The following SASH1 variants were observed in gnomAD, a reference collection of about 807,000 sequenced individuals.
SASH1 encodes SAM and SH3 domain containing 1.
SASH1 carries 44 observed loss-of-function variants against 125.2 expected under a neutral mutation model. The observed-to-expected ratio is 0.35, with a 90% CI of 0.28 to 0.45. The LOEUF (loss-of-function observed/expected upper bound fraction) is 0.45. SASH1 is among the 20% of genes least tolerant of loss of function. The pLI is 1.00. For synonymous variants in SASH1, 639 were observed against 649.1 expected (o/e 0.98, Z 0.24); for missense variants, 1,426 against 1,614.5 (o/e 0.88, Z 2.00).
At chr6:148,308,826 G>A (rs1323811589) in intron 1 of SASH1, among the ~76,000 whole-genome samples, 2 of 150,830 alleles carry the variant, frequency 1.3e-5, no homozygotes, top group African/African-American at 4.9e-5. Flanking sequence ...GCTCATGCCT[G>A]TAATCCCAGC....
At chr6:148,546,243 G>C in intron 19 of SASH1, 97 bp downstream of exon 19, 1 of 1,419,536 alleles carries the variant, frequency 7.0e-7, no homozygotes, top group East Asian at 2.3e-5. Flanking sequence ...AAGGGCTTGC[G>C]TAGCTATGGA....
At chr6:148,346,434 A>G (rs1203244361) in intron 1 of SASH1, among the ~76,000 whole-genome samples, 5 of 152,044 alleles carry the variant, frequency 3.3e-5, no homozygotes, top group African/African-American at 7.2e-5. Context: ...GAATAAATAA[A>G]TGCTAATAAG....
At chr6:148,327,316 G>A (rs1350561364) in intron 1 of SASH1, among the ~76,000 whole-genome samples, 4 of 146,922 alleles carry the variant, frequency 2.7e-5, no homozygotes, top group East Asian at 2.0e-4. Context: ...ATGGAGTCTC[G>A]CTCTGTCGCC....
At chr6:148,231,412 C>G in the SASH1 span, among the ~76,000 whole-genome samples, 1 of 152,190 alleles carries the variant, frequency 6.6e-6, no homozygotes, top group African/African-American at 2.4e-5. Flanking sequence ...GGAAGTGTGA[C>G]TCCTCCAACT....
chr6:148,300,827 C>G (rs989978795), intron 1 of SASH1, among the ~76,000 whole-genome samples: 1 of 152,122 alleles, frequency 6.6e-6, no homozygotes, highest in African/African-American at 2.4e-5. Flanking sequence ...AAGGAAGCAA[C>G]ATGAAGCCAC....
the SASH1 span, among the ~76,000 whole-genome samples, chr6:148,266,681 G>C: frequency 2.6e-5 from 4 of 152,112 alleles, no homozygotes; most frequent in African/African-American, 9.7e-5. Context: ...GCTCACTGCA[G>C]CCTCAACTTC....
intron 1 of SASH1, among the ~76,000 whole-genome samples, chr6:148,287,267 C>A (rs1040957453): frequency 3.9e-5 from 6 of 152,176 alleles, no homozygotes; most frequent in African/African-American, 1.4e-4. Context: ...CCTCTACTAT[C>A]AGTATTCAGC....
intron 2 of SASH1, among the ~76,000 whole-genome samples, chr6:148,428,683 A>G (rs1426590545): frequency 2.6e-5 from 4 of 151,782 alleles, no homozygotes; most frequent in Admixed American, 2.0e-4. Flanking sequence ...AATTATTTTA[A>G]CAGAGAGCAC....
At chr6:148,347,318 G>T (rs1290064509) in intron 1 of SASH1, among the ~76,000 whole-genome samples, 3 of 152,092 alleles carry the variant, frequency 2.0e-5, no homozygotes, top group African/African-American at 7.2e-5. Flanking sequence ...TTTTTGCTCT[G>T]TTTCTACAAT....
At chr6:148,398,071 G>A (rs1198529602) in intron 2 of SASH1, among the ~76,000 whole-genome samples, 3 of 152,148 alleles carry the variant, frequency 2.0e-5, no homozygotes, top group African/African-American at 7.2e-5. Context: ...ACTTCAGGGA[G>A]ACGTCACAGT....
intron 7 of SASH1, chr6:148,480,630 C>G: frequency 6.5e-6 from 1 of 152,748 alleles, no homozygotes; most frequent in East Asian, 1.9e-4. Context: ...CAGATCAAGA[C>G]AGTTTGGTCC....
At chr6:148,196,194 C>T in the SASH1 span, among the ~76,000 whole-genome samples, 1 of 152,206 alleles carries the variant, frequency 6.6e-6, no homozygotes, top group Non-Finnish European at 1.5e-5. Flanking sequence ...ATTGGAGTCA[C>T]TTAGAAGTTC....
At chr6:148,298,812 AAG>A (rs202162353) in intron 1 of SASH1, among the ~76,000 whole-genome samples, 19 of 144,084 alleles carry the variant, frequency 1.3e-4, no homozygotes, top group South Asian at 4.7e-4. Context: ...AGAAAGAAAA[AAG>A]AGAGGGAGGG....
At chr6:148,288,445 T>A (rs931109346) in intron 1 of SASH1, among the ~76,000 whole-genome samples, 7 of 152,262 alleles carry the variant, frequency 4.6e-5, no homozygotes, top group African/African-American at 1.7e-4. Flanking sequence ...TTCAGTATAA[T>A]TAAAAATATA....
chr6:148,256,291 T>G, the SASH1 span, among the ~76,000 whole-genome samples: 2 of 152,236 alleles, frequency 1.3e-5, no homozygotes, highest in African/African-American at 4.8e-5. Flanking sequence ...TAGATCAGTT[T>G]TAGAACACAT....
At chr6:148,233,214 T>TAA in the SASH1 span, among the ~76,000 whole-genome samples, 861 of 126,452 alleles carry the variant, frequency 6.8e-3, 5 homozygotes, top group Non-Finnish European at 0.01. Flanking sequence ...AACTCCATCT[T>TAA]AAAAAAAAAA....
In SASH1 at chr6:148,364,529, C is replaced by T. The variant is rs79937007; in HGVS notation, c.156+21306C>T. ...AACTAATGTAGGGTGGAAGTTGAAA[C>T]GTGAAAGTTGCCTGTCCTGAGCACG... On this transcript the variant is annotated intron_variant, in intron 1 of 19. Coordinates refer to ENST00000367467, the MANE Select transcript of SASH1 (RefSeq NM_015278.5). Among the ~76,000 whole-genome samples, 233 of 152,214 alleles carry T rather than the reference C, an allele frequency of 1.5e-3. 1 individual carries two copies. The highest frequency in any genetic ancestry group is 5.4e-3 in the African/African-American group (223 of 41,540).
intron 8 of SASH1, among the ~76,000 whole-genome samples, chr6:148,504,118 G>C (rs1324905407): frequency 1.3e-5 from 2 of 152,162 alleles, no homozygotes; most frequent in Non-Finnish European, 2.9e-5. Context: ...GGTAGATGAG[G>C]AGCAAAGCCA....
chr6:148,333,119 G>T (rs1381527313), intron 1 of SASH1, among the ~76,000 whole-genome samples: 3 of 152,072 alleles, frequency 2.0e-5, no homozygotes, highest in African/African-American at 7.2e-5. Flanking sequence ...GTCTGCAGGG[G>T]CTTTCAAATT....
Sources: allele counts gnomAD v4.1 joint callset (sites outside exome capture counted in the v4.1 genomes callset), GRCh38; gene constraint gnomAD v4.1.1; transcripts MANE v1.5; gene names NCBI Gene and HGNC (gene_info 2026-07-23, HGNC 2026-07-21).